Variants in SLC35D1 observed in about 807,000 individuals in gnomAD.
The protein encoded by SLC35D1 is solute carrier family 35 member D1, also known as nucleotide sugar transporter SLC35D1.
SLC35D1 carries 31 observed loss-of-function variants against 46.7 expected under a neutral mutation model. That is an observed-to-expected ratio of 0.66 (90% CI 0.50 to 0.90). SLC35D1 has a LOEUF of 0.90. Among genes scored for constraint, SLC35D1 ranks in the 40% least tolerant of loss-of-function variants. The probability of loss-of-function intolerance (pLI) is 0.00; values close to 1 mark genes in which losing one functional copy is unlikely to be tolerated. For missense variants in SLC35D1, 397 were observed against 426.2 expected, an observed-to-expected ratio of 0.93 and a Z score of 0.60; for synonymous variants, 195 against 164.6, an observed-to-expected ratio of 1.18 and a Z score of -1.41.
chr1:66,992,898 T>G, the SLC35D1 span, among the ~76,000 whole-genome samples: 2 of 152,254 alleles, frequency 1.3e-5, no homozygotes, highest in African/African-American at 4.8e-5. Context: ...GTTAAGTGAT[T>G]GCTATTAAAA....
the SLC35D1 span, chr1:66,987,831 G>A: frequency 6.6e-6 from 1 of 151,976 alleles, no homozygotes; most frequent in Non-Finnish European, 1.5e-5. Context: ...AGTGGTTCTT[G>A]GTCCCCTTTA....
At chr1:67,050,622 T>C (rs1250021191) in intron 4 of SLC35D1, 118 bp from the exon 5 acceptor site, 1 of 843,200 alleles carries the variant, frequency 1.2e-6, no homozygotes, top group Non-Finnish European at 1.9e-6. Flanking sequence ...TCCATACAAA[T>C]TAATTTATGG....
intron 7 of SLC35D1, among the ~76,000 whole-genome samples, chr1:67,042,641 C>T (rs920299295): frequency 1.3e-5 from 2 of 152,140 alleles, no homozygotes; most frequent in African/African-American, 2.4e-5. Flanking sequence ...ATTTTGAACA[C>T]ATACACACAC....
downstream of SLC35D1, among the ~76,000 whole-genome samples, chr1:66,996,750 C>T (rs544853244): frequency 1.3e-5 from 2 of 152,302 alleles, no homozygotes; most frequent in Non-Finnish European, 2.9e-5. Flanking sequence ...TCATCTATAG[C>T]GTTGCCCAAT....
intron 11 of SLC35D1, among the ~76,000 whole-genome samples, chr1:67,005,004 C>T (rs1459851709): frequency 6.6e-6 from 1 of 152,142 alleles, no homozygotes; most frequent in Non-Finnish European, 1.5e-5. Context: ...TGCTGGTACC[C>T]CTCACTTATC....
intron 8 of SLC35D1, 46 bp downstream of exon 8, chr1:67,042,190 G>A: frequency 6.9e-7 from 1 of 1,458,224 alleles, no homozygotes; most frequent in Non-Finnish European, 9.6e-7. Context: ...AAATAATAAT[G>A]CAGTTCATCA....
At chr1:66,976,519 T>C in the SLC35D1 span, 253 of 1,430,926 alleles carry the variant, frequency 1.8e-4, no homozygotes, top group Middle Eastern at 1.1e-3. Flanking sequence ...AAATTTATTT[T>C]CAAACTTCAG....
chr1:67,021,674 C>A, intron 8 of SLC35D1, 72 bp from the exon 9 acceptor site: 8 of 1,398,684 alleles, frequency 5.7e-6, no homozygotes, highest in East Asian at 2.8e-5. Context: ...TAATGTAAAT[C>A]CTTCTACGAG....
At chr1:66,986,156 CAAACTTTTCT>C in the SLC35D1 span, 56 of 1,186,434 alleles carry the variant, frequency 4.7e-5, no homozygotes, top group Non-Finnish European at 5.7e-5. Context: ...GAAAACTTTT[CAAACTTTTCT>C]AGTTACAATC....
At chr1:67,037,180 G>C (rs1558162066) in intron 8 of SLC35D1, among the ~76,000 whole-genome samples, 1 of 151,982 alleles carries the variant, frequency 6.6e-6, no homozygotes, top group South Asian at 2.1e-4. Context: ...TATTATTTTT[G>C]ATGGGTTCAT....
intron 8 of SLC35D1, among the ~76,000 whole-genome samples, chr1:67,023,998 G>A (rs1399398009): frequency 1.3e-5 from 2 of 150,394 alleles, no homozygotes; most frequent in Non-Finnish European, 1.5e-5. Context: ...AGGCTGGAGT[G>A]CAGTGGCACG....
intron 10 of SLC35D1, among the ~76,000 whole-genome samples, chr1:67,019,622 G>A (rs543735075): frequency 1.3e-5 from 2 of 152,292 alleles, no homozygotes; most frequent in South Asian, 4.1e-4. Flanking sequence ...CAGAAAGGAA[G>A]TCACAAGGGT....
intron 3 of SLC35D1, 122 bp downstream of exon 3, chr1:67,052,649 A>G: frequency 2.2e-6 from 2 of 896,692 alleles, no homozygotes; most frequent in Non-Finnish European, 3.6e-6. Flanking sequence ...TACATTCATT[A>G]TAACCACTCT....
chr1:67,013,042 G>A (rs930174432), intron 10 of SLC35D1, among the ~76,000 whole-genome samples: 34 of 150,066 alleles, frequency 2.3e-4, no homozygotes, highest in African/African-American at 7.9e-4. Flanking sequence ...GCTAAAATCT[G>A]ACAATAGATT....
chr1:66,982,655 A>G, the SLC35D1 span, among the ~76,000 whole-genome samples: 1 of 152,224 alleles, frequency 6.6e-6, no homozygotes, highest in Non-Finnish European at 1.5e-5. Flanking sequence ...ATAGGAGAGT[A>G]CCAGTGAAGA....
rs1667354028 is a variant in SLC35D1, at chr1:67,002,203, C to T, written c.*2137G>A. 6.6e-6 allele frequency: 1 copy of T among 152,350 alleles called. No homozygotes were observed. The highest frequency in any genetic ancestry group is 1.5e-5 in the Non-Finnish European group (1 of 68,058). The allele number at this position is 152,350 out of a possible 1,614,324, so 9.4% of individuals were successfully genotyped here. ...AAGCAAAACCAGGAAGTGTTGGCAACATTTACAGCCAGAAGTGCATTATCA... is the reference window on the plus strand; with the variant it reads ...AAGCAAAACCAGGAAGTGTTGGCAATATTTACAGCCAGAAGTGCATTATCA... On this transcript the variant is annotated 3_prime_UTR_variant, in exon 12 of 12. Coordinates refer to ENST00000235345, the MANE Select transcript of SLC35D1 (RefSeq NM_015139.3).
intron 8 of SLC35D1, among the ~76,000 whole-genome samples, chr1:67,039,750 G>A (rs1009048225): frequency 1.3e-5 from 2 of 152,062 alleles, no homozygotes; most frequent in African/African-American, 4.8e-5. Context: ...GGGAGTAGTG[G>A]GCTCATGCCA....
the SLC35D1 span, chr1:66,984,760 G>T: frequency 6.2e-7 from 1 of 1,613,980 alleles, no homozygotes; most frequent in South Asian, 1.1e-5. Context: ...AAATGAAAAT[G>T]ATTTTGATGA....
chr1:66,975,151 A>C, the SLC35D1 span, among the ~76,000 whole-genome samples: 1 of 152,202 alleles, frequency 6.6e-6, no homozygotes, highest in African/African-American at 2.4e-5. Context: ...AGTGCTACAG[A>C]ATATTTACTT....
Sources: allele counts gnomAD v4.1 joint callset (sites outside exome capture counted in the v4.1 genomes callset), GRCh38; gene constraint gnomAD v4.1.1; transcripts MANE v1.5; gene names NCBI Gene and HGNC (gene_info 2026-07-23, HGNC 2026-07-21).